The following RCOR1 variants were observed in gnomAD, a reference collection of about 807,000 sequenced individuals.
The protein encoded by RCOR1 is REST corepressor 1, also known as REST corepressor.
RCOR1 carries 12 observed loss-of-function variants against 64.0 expected under a neutral mutation model. The ratio of observed to expected loss-of-function variants is 0.19; its 90% CI spans 0.12 to 0.30. The LOEUF (loss-of-function observed/expected upper bound fraction) is 0.30. RCOR1 is among the 10% of genes least tolerant of loss of function. The pLI is 1.00. For missense variants in RCOR1, 502 were observed against 621.2 expected (o/e 0.81, Z 2.04); for synonymous variants, 279 against 227.2 (o/e 1.23, Z -2.05).
intron 2 of RCOR1, among the ~76,000 whole-genome samples, chr14:102,624,445 C>T (rs188501183): frequency 2.0e-5 from 3 of 150,466 alleles, no homozygotes; most frequent in Non-Finnish European, 4.4e-5. Context: ...GCAGAGGTTA[C>T]AGTGAGCCAA....
At chr14:102,607,796 C>T (rs1202451566) in intron 2 of RCOR1, among the ~76,000 whole-genome samples, 3 of 151,996 alleles carry the variant, frequency 2.0e-5, no homozygotes, top group East Asian at 1.9e-4. Flanking sequence ...GCAGGAGAAT[C>T]GCTTGAACCC....
chr14:102,681,846 T>C (rs1445658035), intron 2 of RCOR1, 49 bp from the exon 3 acceptor site: 1 of 1,315,614 alleles, frequency 7.6e-7, no homozygotes, highest in Non-Finnish European at 1.1e-6. Flanking sequence ...TTATAGCTTA[T>C]TATATGTGTT....
Position 102,676,833 on chromosome 14 carries a change from C to G in RCOR1, c.362-5062C>G, listed in dbSNP as rs1156631020. 2.4e-4 allele frequency among the ~76,000 whole-genome samples: 22 copies of G among 91,664 alleles called. 2 individuals are homozygous for G. The highest frequency in any genetic ancestry group is 8.3e-3 in the Middle Eastern group (1 of 120). 60.1% of individuals were successfully genotyped at this position (91,664 alleles called of 152,430 possible). ...GCAGAGGCGCCCCTCACCTCCCGGA[C>G]GGGGCGGCTGGCCGGGCGAGGGGCT... On this transcript the variant is annotated intron_variant, in intron 2 of 11. Coordinates refer to ENST00000262241, the MANE Select transcript of RCOR1 (RefSeq NM_015156.4).
At chr14:102,637,987 C>G (rs910913672) in intron 2 of RCOR1, among the ~76,000 whole-genome samples, 1 of 151,860 alleles carries the variant, frequency 6.6e-6, no homozygotes, top group Non-Finnish European at 1.5e-5. Flanking sequence ...TCTTTTTGTT[C>G]CAATTTCTGT....
chr14:102,632,564 T>A (rs1013715179), intron 2 of RCOR1, among the ~76,000 whole-genome samples: 1 of 151,932 alleles, frequency 6.6e-6, no homozygotes, highest in Non-Finnish European at 1.5e-5. Context: ...TTTTCTTTTT[T>A]CCCCCCTGCA....
intron 4 of RCOR1, among the ~76,000 whole-genome samples, chr14:102,706,914 A>G (rs990729262): frequency 1.3e-5 from 2 of 152,066 alleles, no homozygotes; most frequent in South Asian, 2.1e-4. Context: ...CTGATGATAC[A>G]TATGTTGCCA....
chr14:102,686,503 C>T (rs1351781643), intron 3 of RCOR1, among the ~76,000 whole-genome samples: 2 of 152,224 alleles, frequency 1.3e-5, no homozygotes, highest in African/African-American at 4.8e-5. Context: ...GTTGTATGTT[C>T]TGTGGATTCC....
In RCOR1 at chr14:102,677,660, G is replaced by A. The variant is rs1292271078; in HGVS notation, c.362-4235G>A. On this transcript the variant is annotated intron_variant, in intron 2 of 11. Coordinates refer to ENST00000262241, the MANE Select transcript of RCOR1 (RefSeq NM_015156.4). ...GATGGGATGGCGGCGGGGAAGAGGC[G>A]CTCCTCGCTTCCTAGATGGGATGGC... Among the ~76,000 whole-genome samples, 13 of 134,202 alleles carry A rather than the reference G, an allele frequency of 9.7e-5. No individual in the cohort carries two copies. The East Asian group carries it at 1.8e-3, about 19-fold the overall frequency. 88.0% of individuals were successfully genotyped at this position (134,202 alleles called of 152,430 possible).
At chr14:102,636,632 A>AT (rs1210339349) in intron 2 of RCOR1, among the ~76,000 whole-genome samples, 2 of 151,820 alleles carry the variant, frequency 1.3e-5, no homozygotes, top group African/African-American at 4.8e-5. Flanking sequence ...AGTATTCTCT[A>AT]TTTTTTACCT....
At chr14:102,677,053 G>A (rs1595225334) in intron 2 of RCOR1, among the ~76,000 whole-genome samples, 1 of 121,680 alleles carries the variant, frequency 8.2e-6, no homozygotes, top group Non-Finnish European at 1.7e-5. Context: ...CCTCCCTCCC[G>A]GACGGGGCGG....
At chr14:102,637,272 G>A (rs1055533158) in intron 2 of RCOR1, among the ~76,000 whole-genome samples, 5 of 150,854 alleles carry the variant, frequency 3.3e-5, no homozygotes, top group Admixed American at 6.6e-5. Flanking sequence ...GATTACAGGC[G>A]CCCGCCACCA....
At chr14:102,646,583 G>T (rs1894481760) in intron 2 of RCOR1, among the ~76,000 whole-genome samples, 1 of 152,178 alleles carries the variant, frequency 6.6e-6, no homozygotes, top group Admixed American at 6.5e-5. Context: ...AAAGTAGTAG[G>T]CAAAGACAGA....
intron 2 of RCOR1, among the ~76,000 whole-genome samples, chr14:102,623,290 C>G (rs568827273): frequency 9.2e-5 from 14 of 152,008 alleles, no homozygotes; most frequent in African/African-American, 3.1e-4. Context: ...TGTTATTCTT[C>G]CCTCTTCCTT....
rs1164316057 is a variant in RCOR1 at position 102,728,788 on chromosome 14, G to A, written c.*2282G>A. ...AGCAGCTGACCTGGGCTTTCTCCCCGAGAGGAAGGGGCATGTCATTTTTAT... is the reference window on the plus strand; with the variant it reads ...AGCAGCTGACCTGGGCTTTCTCCCCAAGAGGAAGGGGCATGTCATTTTTAT... On this transcript the variant is annotated 3_prime_UTR_variant, in exon 12 of 12. Coordinates refer to ENST00000262241, the MANE Select transcript of RCOR1 (RefSeq NM_015156.4). 2 of 152,108 alleles carry A rather than the reference G, an allele frequency of 1.3e-5. No individual in the cohort carries two copies. Among genetic ancestry groups the A allele is most frequent in the Non-Finnish European group, 2.9e-5 (2 of 68,018 alleles). The allele number at this position is 152,108 out of a possible 1,614,324, so 9.4% of individuals were successfully genotyped here. A position where few individuals can be genotyped will look rare whatever the true frequency, so the allele number is the denominator to read the frequency against.
chr14:102,652,923 A>G (rs1894621073), intron 2 of RCOR1, among the ~76,000 whole-genome samples: 2 of 151,888 alleles, frequency 1.3e-5, no homozygotes, highest in South Asian at 4.2e-4. Context: ...TTTTATTTTT[A>G]TTTTTTAGTT....
At chr14:102,650,525 T>C (rs1894566208) in intron 2 of RCOR1, among the ~76,000 whole-genome samples, 1 of 152,172 alleles carries the variant, frequency 6.6e-6, no homozygotes. Context: ...ACACACATTC[T>C]ACAAACCTCG....
chr14:102,609,126 A>G (rs1202172238), intron 2 of RCOR1, among the ~76,000 whole-genome samples: 1 of 142,538 alleles, frequency 7.0e-6, no homozygotes. Context: ...GCTCACTGCA[A>G]CCTCTGCCTC....
At chr14:102,692,883 A>G (rs1435974589) in intron 3 of RCOR1, among the ~76,000 whole-genome samples, 1 of 150,134 alleles carries the variant, frequency 6.7e-6, no homozygotes, top group Non-Finnish European at 1.5e-5. Context: ...CTCGTGCCTC[A>G]GCCTCCCGAG....
chr14:102,689,069 C>G (rs1057343829), intron 3 of RCOR1, among the ~76,000 whole-genome samples: 1 of 152,300 alleles, frequency 6.6e-6, no homozygotes, highest in Non-Finnish European at 1.5e-5. Context: ...ACGTGTAGAC[C>G]TACCTCAAGT....
Sources: gnomAD v4.1 joint callset for allele counts (sites outside exome capture counted in the v4.1 genomes callset) on GRCh38, gnomAD v4.1.1 for gene constraint, MANE v1.5 for transcripts, NCBI Gene and HGNC (gene_info 2026-07-23, HGNC 2026-07-21) for gene names.